ZRANB3: variants seen among roughly 807,000 people sequenced by gnomAD.
ZRANB3 encodes the protein zinc finger RANBP2-type containing 3.
Under a neutral mutation model 133.8 loss-of-function variants are expected in ZRANB3, and 125 were observed. That is an observed-to-expected ratio of 0.93 (90% CI 0.81 to 1.08). The LOEUF (loss-of-function observed/expected upper bound fraction) is 1.08, where lower values mean the gene tolerates loss of function less well. ZRANB3 is among the 50% of genes least tolerant of loss of function. The pLI is 0.00. For missense variants in ZRANB3, 1,229 were observed against 1,275.5 expected, an observed-to-expected ratio of 0.96 and a Z score of 0.56; for synonymous variants, 387 against 432.7, an observed-to-expected ratio of 0.89 and a Z score of 1.31.
At chr2:135,527,389 T>C (rs1234839267) in intron 1 of ZRANB3, among the ~76,000 whole-genome samples, 1 of 151,986 alleles carries the variant, frequency 6.6e-6, no homozygotes, top group Non-Finnish European at 1.5e-5. Context: ...TGAAACCCCA[T>C]CTCTATTAAA....
intron 8 of ZRANB3, among the ~76,000 whole-genome samples, chr2:135,294,205 G>C (rs1427617235): frequency 6.6e-6 from 1 of 152,128 alleles, no homozygotes; most frequent in Admixed American, 6.5e-5. Context: ...ATAGAATTTG[G>C]ATATGAATCC....
intron 8 of ZRANB3, among the ~76,000 whole-genome samples, chr2:135,283,621 A>C (rs909237524): frequency 1.3e-5 from 2 of 151,956 alleles, no homozygotes; most frequent in Non-Finnish European, 2.9e-5. Flanking sequence ...GTCTAAAAAA[A>C]AAAAAAAAAC....
At chr2:135,297,058 C>G (rs1682160820) in intron 8 of ZRANB3, among the ~76,000 whole-genome samples, 1 of 152,232 alleles carries the variant, frequency 6.6e-6, no homozygotes, top group African/African-American at 2.4e-5. Flanking sequence ...TGCCCATTCT[C>G]AGATCTCAAG....
At chr2:135,453,804 C>A (rs1034856839) in intron 2 of ZRANB3, among the ~76,000 whole-genome samples, 3 of 152,220 alleles carry the variant, frequency 2.0e-5, no homozygotes, top group Admixed American at 6.5e-5. Flanking sequence ...TTCTTCAGAG[C>A]CCTTCAAACT....
At position 135,303,657 on chromosome 2, in the gene ZRANB3, A is replaced by C. The variant is rs75886092; in HGVS notation, c.966+9832T>G. On this transcript the variant is annotated intron_variant, in intron 8 of 20. Transcript: ENST00000264159. ...AGTAAGTCCTTTGTATTGCCACATA[A>C]ATTTTATATTTAGTGTGTTAATTTA... Among the ~76,000 whole-genome samples the C allele has an allele frequency of 2.9e-3, 448 of 152,288 alleles. 2 individuals carry two copies. The highest frequency in any genetic ancestry group is 0.01 in the African/African-American group (424 of 41,580).
At chr2:135,301,448 A>C (rs1682428886) in intron 8 of ZRANB3, among the ~76,000 whole-genome samples, 1 of 151,994 alleles carries the variant, frequency 6.6e-6, no homozygotes, top group African/African-American at 2.4e-5. Flanking sequence ...GGCCTCCCAA[A>C]GTGCTGGGAT....
At chr2:135,410,913 T>C (rs1410561643) in intron 2 of ZRANB3, among the ~76,000 whole-genome samples, 2 of 152,070 alleles carry the variant, frequency 1.3e-5, no homozygotes, top group Non-Finnish European at 2.9e-5. Context: ...TAAGATACCA[T>C]CTCACACCAG....
intron 6 of ZRANB3, among the ~76,000 whole-genome samples, chr2:135,337,684 C>T (rs1018924995): frequency 3.3e-5 from 5 of 152,024 alleles, no homozygotes; most frequent in African/African-American, 1.2e-4. Context: ...TAATTATGCC[C>T]CCAGTTACCA....
chr2:135,413,812 A>G (rs2104958003), intron 2 of ZRANB3, among the ~76,000 whole-genome samples: 1 of 152,246 alleles, frequency 6.6e-6, no homozygotes, highest in African/African-American at 2.4e-5. Context: ...CAACATTCTT[A>G]AAGAAAAGAA....
chr2:135,374,120 G>C (rs1016202672), intron 3 of ZRANB3, among the ~76,000 whole-genome samples: 1 of 152,140 alleles, frequency 6.6e-6, no homozygotes, highest in African/African-American at 2.4e-5. Flanking sequence ...GTAGTGGCTA[G>C]CTTGTGAAGT....
chr2:135,327,439 G>C (rs1195339897), intron 6 of ZRANB3, among the ~76,000 whole-genome samples: 1 of 151,702 alleles, frequency 6.6e-6, no homozygotes, highest in African/African-American at 2.4e-5. Context: ...CCAAACAGAT[G>C]GGAAAAAAAT....
intron 6 of ZRANB3, among the ~76,000 whole-genome samples, chr2:135,331,367 C>T (rs566810850): frequency 1.3e-5 from 2 of 152,116 alleles, no homozygotes; most frequent in Admixed American, 1.3e-4. Flanking sequence ...TGTAGTTGTG[C>T]AGTTTTGAGT....
At chr2:135,338,242 G>A (rs913011923) in intron 6 of ZRANB3, among the ~76,000 whole-genome samples, 43 of 152,248 alleles carry the variant, frequency 2.8e-4, no homozygotes, top group East Asian at 3.9e-4. Context: ...GCCAGGTGCC[G>A]TGTTAGCCAT....
rs2105028453 is a variant in ZRANB3 at position 135,199,089 on chromosome 2, T to C, written c.*1253A>G. On this transcript the variant is annotated 3_prime_UTR_variant, in exon 21 of 21. Transcript: ENST00000264159. Reference sequence around the variant, plus strand: ...CCTGGGTTTGTTTCATCGTCACTCTTATTTTATGTCAATTACATTTTAATG... The same window carrying C: ...CCTGGGTTTGTTTCATCGTCACTCTCATTTTATGTCAATTACATTTTAATG... The C allele has an allele frequency of 6.6e-6, 1 of 152,370 alleles. No homozygotes were observed. Among genetic ancestry groups the C allele is most frequent in the African/African-American group, 2.4e-5 (1 of 41,594 alleles). 9.4% of individuals were successfully genotyped at this position (152,370 alleles called of 1,614,324 possible).
chr2:135,392,064 T>C (rs1001721183), intron 2 of ZRANB3, among the ~76,000 whole-genome samples: 1 of 152,106 alleles, frequency 6.6e-6, no homozygotes, highest in African/African-American at 2.4e-5. Flanking sequence ...GGGTGTTCCT[T>C]TGAGACAGCA....
At chr2:135,505,443 G>A (rs1470116060) in intron 1 of ZRANB3, among the ~76,000 whole-genome samples, 1 of 151,996 alleles carries the variant, frequency 6.6e-6, no homozygotes, top group African/African-American at 2.4e-5. Context: ...GCGTGGTGGC[G>A]CTCGCCTGTA....
At chr2:135,236,886 A>C in intron 12 of ZRANB3, among the ~76,000 whole-genome samples, 1 of 152,246 alleles carries the variant, frequency 6.6e-6, no homozygotes, top group Non-Finnish European at 1.5e-5. Flanking sequence ...ATGGGCAAGG[A>C]CTTCATGTCT....
intron 2 of ZRANB3, among the ~76,000 whole-genome samples, chr2:135,447,906 A>G (rs1690095005): frequency 6.6e-6 from 1 of 152,186 alleles, no homozygotes; most frequent in South Asian, 2.1e-4. Context: ...ATTTTGTACC[A>G]GAAGCCATAT....
intron 2 of ZRANB3, among the ~76,000 whole-genome samples, chr2:135,493,779 C>G (rs1311558316): frequency 1.3e-5 from 2 of 152,076 alleles, no homozygotes; most frequent in African/African-American, 4.8e-5. Context: ...AAAGAGCTAA[C>G]AAGAGAACTG....
Sources: allele counts gnomAD v4.1 joint callset (sites outside exome capture counted in the v4.1 genomes callset), GRCh38; gene constraint gnomAD v4.1.1; transcripts MANE v1.5; gene names NCBI Gene and HGNC (gene_info 2026-07-23, HGNC 2026-07-21).